Variants in CDH23 observed in about 807,000 individuals in gnomAD.
The protein encoded by CDH23 is cadherin related 23.
CDH23 carries 189 observed loss-of-function variants against 317.1 expected under a neutral mutation model. That is an observed-to-expected ratio of 0.60 (90% CI 0.53 to 0.67). CDH23 has a LOEUF of 0.67. CDH23 is among the 30% of genes least tolerant of loss of function. The pLI is 0.00. For synonymous variants in CDH23, 1,839 were observed against 1,876.8 expected, an observed-to-expected ratio of 0.98 and a Z score of 0.52; for missense variants, 4,401 against 4,592.4, an observed-to-expected ratio of 0.96 and a Z score of 1.20.
chr10:71,504,631 C>T (rs1447549510), intron 3 of CDH23, among the ~76,000 whole-genome samples: 1 of 152,200 alleles, frequency 6.6e-6, no homozygotes, highest in Non-Finnish European at 1.5e-5. Flanking sequence ...GATGCCCCTT[C>T]CCCATGAGGG....
chr10:71,572,128 CTT>C (rs1857859178), intron 8 of CDH23, among the ~76,000 whole-genome samples: 1 of 152,216 alleles, frequency 6.6e-6, no homozygotes, highest in East Asian at 1.9e-4. Context: ...TTTGAAGCTG[CTT>C]TGAGAGTAGA....
intron 1 of CDH23, among the ~76,000 whole-genome samples, chr10:71,399,498 T>G (rs1847685262): frequency 6.6e-6 from 1 of 152,222 alleles, no homozygotes; most frequent in South Asian, 2.1e-4. Flanking sequence ...GGATTAATAG[T>G]CCACCACTGG....
intron 3 of CDH23, among the ~76,000 whole-genome samples, chr10:71,450,482 G>T (rs1470329106): frequency 6.6e-6 from 1 of 152,012 alleles, no homozygotes; most frequent in East Asian, 1.9e-4. Flanking sequence ...TGTCCAGGCT[G>T]GTCTCAAACT....
intron 38 of CDH23, among the ~76,000 whole-genome samples, chr10:71,752,757 G>T (rs1416671482): frequency 1.3e-5 from 2 of 152,126 alleles, no homozygotes. Flanking sequence ...GAAGGTGGGT[G>T]CATGACACAT....
chr10:71,499,579 C>T (rs1853164597), intron 3 of CDH23, among the ~76,000 whole-genome samples: 1 of 149,944 alleles, frequency 6.7e-6, no homozygotes, highest in Non-Finnish European at 1.5e-5. Flanking sequence ...GTGGCTCACG[C>T]CTGTAATCCC....
At chr10:71,652,749 C>A (rs1017255456) in intron 14 of CDH23, among the ~76,000 whole-genome samples, 2 of 152,188 alleles carry the variant, frequency 1.3e-5, no homozygotes, top group African/African-American at 4.8e-5. Context: ...CCTGGCTGAG[C>A]CTCCAGGGAG....
At chr10:71,602,597 C>T (rs1248404027) in intron 9 of CDH23, among the ~76,000 whole-genome samples, 4 of 152,094 alleles carry the variant, frequency 2.6e-5, no homozygotes, top group Non-Finnish European at 5.9e-5. Context: ...TTCAGGGGCA[C>T]CAACCCTCTT....
At chr10:71,504,522 G>A (rs12771476) in intron 3 of CDH23, among the ~76,000 whole-genome samples, 42,995 of 152,016 alleles carry the variant, frequency 0.28, 6,831 homozygotes, top group Non-Finnish European at 0.34. Flanking sequence ...CATGAACACA[G>A]ATGCACAGTG....
chr10:71,811,726 C>T lies in CDH23; in HGVS notation c.9292C>T (p.Leu3098Phe), dbSNP rs746788999. Residue 3098 changes from leucine (L) to phenylalanine (F), a missense_variant, in exon 65 of 70, where the codon CTC becomes TTC. By Grantham distance (22) the Leu-to-Phe change is conservative. Coordinates refer to ENST00000224721, the MANE Select transcript of CDH23 (RefSeq NM_022124.6). ...WYYRTVHKRK[L>F]KAIVAGSAGN... ...GCTTCTCTCCAGACACAAGAGGAAG[C>T]TCAAGGCCATTGTGGCTGGCTCAGC... is the stretch of plus-strand genomic sequence containing the variant. 5 of 1,601,082 alleles carry T rather than the reference C, an allele frequency of 3.1e-6. No homozygotes were observed. Among genetic ancestry groups the T allele is most frequent in the South Asian group, 1.1e-5 (1 of 89,774 alleles).
At chr10:71,605,400 G>T (rs1860472731) in intron 9 of CDH23, among the ~76,000 whole-genome samples, 1 of 152,142 alleles carries the variant, frequency 6.6e-6, no homozygotes, top group Admixed American at 6.5e-5. Context: ...GTCATATCTG[G>T]GGGAAAGTGC....
In CDH23 at chr10:71,812,787, C is replaced by T; in HGVS notation, c.9530C>T (p.Pro3177Leu). The T allele has an allele frequency of 1.2e-6, 2 of 1,613,272 alleles. No homozygotes were observed. Among genetic ancestry groups the T allele is most frequent in the Non-Finnish European group, 1.7e-6 (2 of 1,179,572 alleles). Reference protein sequence around the residue: ...TRTHGTFGREPAAVKPDDDRY... With the variant: ...TRTHGTFGRELAAVKPDDDRY... ...CCCCAGGGAACTTTTGGGCGTGAGC[C>T]AGCAGCTGTCAAGCCTGATGATGAC... Residue 3177 changes from proline (P) to leucine (L), a missense_variant, in exon 68 of 70, where the codon CCA becomes CTA. Pro to Leu is a moderately conservative substitution (Grantham distance 98, BLOSUM62 -3). Around this residue, in one of 3 missense-constraint regions of CDH23, gnomAD observed 1,144 missense variants for 1,138.2 expected, o/e 1.01. Coordinates refer to ENST00000224721, the MANE Select transcript of CDH23 (RefSeq NM_022124.6).
At chr10:71,476,140 G>A (rs950011098) in intron 3 of CDH23, among the ~76,000 whole-genome samples, 3 of 152,030 alleles carry the variant, frequency 2.0e-5, no homozygotes, top group African/African-American at 4.8e-5. Context: ...ATTTAAATAG[G>A]GCATCAACAA....
chr10:71,425,232 G>GGAGAGAGAGAGAGAGAGAGAGA (rs748338206), intron 1 of CDH23, among the ~76,000 whole-genome samples: 7 of 73,962 alleles, frequency 9.5e-5, no homozygotes, highest in African/African-American at 2.8e-4. Flanking sequence ...AGAGAGAGAG[G>GGAGAGAGAGAGAGAGAGAGAGA]GAGAGAGAGA....
Position 71,810,583 on chromosome 10 carries a change from T to A in CDH23, c.9077+14T>A. The A allele has an allele frequency of 6.2e-7, 1 of 1,612,364 alleles. No individual in the cohort carries two copies. On this transcript the variant is annotated intron_variant, in intron 62 of 69. Coordinates refer to ENST00000224721, the MANE Select transcript of CDH23 (RefSeq NM_022124.6). ...GGACGTGGACCGGTGAGTCGGGGCCTGTGTTTGGACTGTCAGCCTGTCTGT... is the reference window on the plus strand; with the variant it reads ...GGACGTGGACCGGTGAGTCGGGGCCAGTGTTTGGACTGTCAGCCTGTCTGT...
At chr10:71,590,735 G>A (rs151194543) in intron 9 of CDH23, among the ~76,000 whole-genome samples, 117 of 152,032 alleles carry the variant, frequency 7.7e-4, no homozygotes, top group African/African-American at 2.5e-3. Context: ...GCCTGGTGGC[G>A]AGTGCCTGTA....
At chr10:71,534,174 G>A (rs956097045) in intron 6 of CDH23, among the ~76,000 whole-genome samples, 4 of 152,058 alleles carry the variant, frequency 2.6e-5, no homozygotes, top group African/African-American at 9.7e-5. Flanking sequence ...CCTTCCAGGT[G>A]GCCAGCATAT....
At chr10:71,508,411 A>C (rs1425792816) in intron 3 of CDH23, 1 of 152,216 alleles carries the variant, frequency 6.6e-6, no homozygotes. Flanking sequence ...TTTGCTGACC[A>C]TGAGGACATG....
At chr10:71,713,952 G>A (rs1176554046) in intron 28 of CDH23, 2 of 152,792 alleles carry the variant, frequency 1.3e-5, no homozygotes, top group Non-Finnish European at 2.9e-5. Flanking sequence ...AAAACCCTTA[G>A]GGAGGAGGCC....
intron 9 of CDH23, among the ~76,000 whole-genome samples, chr10:71,611,516 C>A (rs774189437): frequency 6.6e-6 from 1 of 152,188 alleles, no homozygotes; most frequent in Non-Finnish European, 1.5e-5. Context: ...AGGCAGCCAA[C>A]ATTTGTTGGG....
Sources: gnomAD v4.1 joint callset for allele counts (sites outside exome capture counted in the v4.1 genomes callset) on GRCh38, gnomAD v4.1.1 for gene constraint, gnomAD v4.1.1 regional missense constraint, MANE v1.5 for transcripts, NCBI Gene and HGNC (gene_info 2026-07-23, HGNC 2026-07-21) for gene names.